The following ZBTB48 variants were observed in gnomAD, a reference collection of about 807,000 sequenced individuals.
ZBTB48 encodes the protein zinc finger and BTB domain containing 48, also known as zinc finger and BTB domain-containing protein 48.
In ZBTB48, 35 loss-of-function variants were observed where a neutral mutation model predicts 64.5. The ratio of observed to expected loss-of-function variants is 0.54; its 90% CI spans 0.41 to 0.72. The LOEUF is 0.72. Among genes scored for constraint, ZBTB48 ranks in the 30% least tolerant of loss-of-function variants. The pLI is 0.00. For missense variants in ZBTB48, 828 were observed against 895.3 expected (o/e 0.92, Z 0.96); for synonymous variants, 442 against 356.7 (o/e 1.24, Z -2.70).
At position 6,580,442 on chromosome 1, in the gene ZBTB48, C is replaced by T. The variant is rs1640398478; in HGVS notation, c.-69-99C>T. ...CCGGGAGGCTGTCAGTGTGTTCCAG[C>T]CCTCCGCGTGCACCCCTCACCCTGA... On this transcript the variant is annotated intron_variant, in intron 1 of 10. Coordinates refer to ENST00000377674, the MANE Select transcript of ZBTB48 (RefSeq NM_005341.4). The surrounding 1 kb of genome is among the most constrained non-coding windows in gnomAD (Gnocchi z 5.2). 2 of 697,492 alleles carry T rather than the reference C, an allele frequency of 2.9e-6. No individual in the cohort carries two copies. The highest frequency in any genetic ancestry group is 4.7e-6 in the Non-Finnish European group (2 of 425,946). 43.2% of individuals were successfully genotyped at this position (697,492 alleles called of 1,614,324 possible). A position where few individuals can be genotyped will look rare whatever the true frequency, so the allele number is the denominator to read the frequency against.
At chr1:6,587,385 G>T (rs181551778) in intron 6 of ZBTB48, 93 bp from the exon 7 acceptor site, 2 of 1,608,082 alleles carry the variant, frequency 1.2e-6, no homozygotes, top group Admixed American at 3.4e-5. Flanking sequence ...ACTTTCTGTT[G>T]TTCGGGGGGG....
In ZBTB48 at chr1:6,589,061, C is replaced by G. The variant is rs766873713; in HGVS notation, c.1916C>G (p.Ala639Gly). 6.2e-7 allele frequency: 1 copy of G among 1,605,858 alleles called. No individual in the cohort carries two copies. The highest frequency in any genetic ancestry group is 8.5e-7 in the Non-Finnish European group (1 of 1,176,718). Reference protein sequence around the residue: ...QPPAELEVGSAEVIVESLAQG... With the variant: ...QPPAELEVGSGEVIVESLAQG... ...CCTGCAGAGCTGGAGGTGGGCTCGGCGGAGGTCATTGTGGAGTCCCTGGCC... is the reference window on the plus strand; with the variant it reads ...CCTGCAGAGCTGGAGGTGGGCTCGGGGGAGGTCATTGTGGAGTCCCTGGCC... The change falls in exon 11 of 11, where the codon GCG becomes GGG. Residue 639 changes from alanine to glycine, a missense_variant. Physicochemically the swap from Ala to Gly is moderately conservative, Grantham distance 60. Coordinates refer to ENST00000377674, the MANE Select transcript of ZBTB48 (RefSeq NM_005341.4).
At position 6,581,326 on chromosome 1, in the gene ZBTB48, G is replaced by A. The variant is rs757282247; in HGVS notation, c.690+27G>A. The A allele has an allele frequency of 1.4e-5, 22 of 1,554,316 alleles. No individual in the cohort carries two copies. The African/African-American group carries it at 2.6e-4, about 18-fold the overall frequency. ...TACTGTGCCCAGGGTGTTGGGACTG[G>A]GGAGACAAATAGAGGGAATAGACAC... is the stretch of plus-strand genomic sequence containing the variant. On this transcript the variant is annotated intron_variant, in intron 2 of 10. Transcript: ENST00000377674.
Position 6,580,989 on chromosome 1 carries a change from A to G in ZBTB48, c.380A>G (p.Gln127Arg). The change falls in exon 2 of 11, where the codon CAG becomes CGG. Residue 127 changes from glutamine (Q) to arginine (R), a missense_variant. Gln to Arg is a conservative substitution (Grantham distance 43). Coordinates refer to ENST00000377674, the MANE Select transcript of ZBTB48 (RefSeq NM_005341.4). The surrounding 1 kb of genome is among the most constrained non-coding windows in gnomAD (Gnocchi z 5.2). ...TCAGTGGGACAGGCAGCAGGTGGCC[A>G]GAGTGGGCTGGGGCCCCCTGCCTCC... Reference protein sequence around the residue: ...KTSVGQAAGGQSGLGPPASQN... With the variant: ...KTSVGQAAGGRSGLGPPASQN... The G allele has an allele frequency of 6.2e-7, 1 of 1,613,616 alleles. No homozygotes were observed. The highest frequency in any genetic ancestry group is 1.1e-5 in the South Asian group (1 of 91,086).
intron 4 of ZBTB48, chr1:6,586,334 G>A (rs1040967660): frequency 1.8e-5 from 9 of 500,404 alleles, no homozygotes; most frequent in Non-Finnish European, 2.9e-5. Context: ...TGGCAGCTGG[G>A]AAAGGCCCCC....
At position 6,587,228 on chromosome 1, in the gene ZBTB48, C is replaced by T. The variant is rs1288048231; in HGVS notation, c.1161C>T (p.Phe387=). 1.9e-6 allele frequency: 3 copies of T among 1,613,922 alleles called. No individual in the cohort carries two copies. Among genetic ancestry groups the T allele is most frequent in the Non-Finnish European group, 2.5e-6 (3 of 1,180,036 alleles). Residue 387 remains phenylalanine (F), a synonymous_variant, in exon 6 of 11, where the codon TTC becomes TTT. Transcript: ENST00000377674. ...PYKCSSCSQQ[F]MQKKDLQSHM... ...AGTGTTCCTCCTGCTCCCAGCAGTT[C>T]ATGCAGAAGAAGGACTTGCAGAGCC...
intron 7 of ZBTB48, 142 bp downstream of exon 7, chr1:6,587,774 C>A: frequency 7.1e-7 from 1 of 1,402,138 alleles, no homozygotes; most frequent in Non-Finnish European, 9.5e-7. Flanking sequence ...TACAGCCTCT[C>A]TGGGATAGTG....
intron 8 of ZBTB48, 24 bp downstream of exon 8, chr1:6,588,220 C>T (rs114196503): frequency 6.2e-7 from 1 of 1,613,474 alleles, no homozygotes; most frequent in Admixed American, 1.7e-5. Flanking sequence ...TGCCCCTCCC[C>T]TCGCCTCCCC....
intron 5 of ZBTB48, 41 bp from the exon 6 acceptor site, chr1:6,587,164 G>A (rs776310408): frequency 5.6e-6 from 9 of 1,610,742 alleles, no homozygotes; most frequent in South Asian, 1.1e-5. Context: ...GGTTTCATGG[G>A]TGCAGGCCGC....
chr1:6,583,639 C>T (rs368819984), intron 3 of ZBTB48, among the ~76,000 whole-genome samples: 8 of 141,970 alleles, frequency 5.6e-5, no homozygotes, highest in African/African-American at 1.6e-4. Context: ...CTCACTGTGT[C>T]GCCCAGGTTG....
chr1:6,587,627 G>A lies in ZBTB48; in HGVS notation c.1374G>A (p.Lys458=), dbSNP rs144418972. ...GCCTGCAGATGCACATCAAGGCCAA[G>A]CACAGGTGCGTGTCGCCCGTTCTCT... ...RNGLQMHIKA[K]HRNERPHVCE... The change falls in exon 7 of 11, where the codon AAG becomes AAA. Residue 458 remains lysine, a synonymous_variant. Coordinates refer to ENST00000377674, the MANE Select transcript of ZBTB48 (RefSeq NM_005341.4). 137 of 1,612,912 alleles carry A rather than the reference G, an allele frequency of 8.5e-5. No individual in the cohort carries two copies. Among genetic ancestry groups the A allele is most frequent in the Admixed American group, 8.0e-4 (48 of 60,026 alleles).
intron 5 of ZBTB48, 60 bp downstream of exon 5, chr1:6,586,847 GCCCTTTACGTGGGGTGCTGTCAGGCACCT>G: frequency 6.4e-7 from 1 of 1,563,142 alleles, no homozygotes; most frequent in East Asian, 2.4e-5. Flanking sequence ...TTCCTGCTGA[GCCCTTTACGTGGGGTGCTGTCAGGCACCT>G]CCCTCACAGT....
intron 5 of ZBTB48, 99 bp from the exon 6 acceptor site, chr1:6,587,106 C>T (rs759023154): frequency 7.7e-6 from 10 of 1,302,116 alleles, no homozygotes; most frequent in East Asian, 7.1e-5. Flanking sequence ...ATCATCTCAC[C>T]GGGGCCTCCC....
At chr1:6,582,516 G>C (rs1301804214) in intron 3 of ZBTB48, among the ~76,000 whole-genome samples, 22 of 152,246 alleles carry the variant, frequency 1.4e-4, no homozygotes, top group Non-Finnish European at 3.1e-4. Context: ...TCTGGTTGGA[G>C]ATGGGTTTGT....
In ZBTB48 at chr1:6,588,899, C is replaced by T; in HGVS notation, c.1771-17C>T. ...CCCTAGGATCCCCCAAAGTTCTGAG[C>T]TCACCCTCCCCGCCAGGCCCACCTG... On this transcript the variant is annotated splice_polypyrimidine_tract_variant and intron_variant, in intron 10 of 10. Transcript: ENST00000377674. 6.2e-7 allele frequency: 1 copy of T among 1,613,756 alleles called. No individual in the cohort carries two copies. Among genetic ancestry groups the T allele is most frequent in the Non-Finnish European group, 8.5e-7 (1 of 1,179,872 alleles).
intron 3 of ZBTB48, among the ~76,000 whole-genome samples, chr1:6,583,603 AT>A (rs147175046): frequency 0.016 from 1,737 of 108,540 alleles, 17 homozygotes; most frequent in African/African-American, 0.043. Flanking sequence ...CCAGCCTGTT[AT>A]TTTTTTTTTT....
In ZBTB48 at chr1:6,581,096, G is replaced by T. The variant is rs1277502438; in HGVS notation, c.487G>T (p.Asp163Tyr). ...VSRTLGLVPR[D>Y]QEPRGSHSPQ... Reference sequence around the variant, plus strand: ...GAGGACTCTGGGTCTAGTCCCCAGGGATCAGGAGCCCAGAGGCAGTCATAG... The same window carrying T: ...GAGGACTCTGGGTCTAGTCCCCAGGTATCAGGAGCCCAGAGGCAGTCATAG... The change falls in exon 2 of 11, where the codon GAT becomes TAT. Residue 163 changes from aspartate (D) to tyrosine (Y), a missense_variant. Coordinates refer to ENST00000377674, the MANE Select transcript of ZBTB48 (RefSeq NM_005341.4). The T allele has an allele frequency of 3.7e-6, 6 of 1,613,016 alleles. No individual in the cohort carries two copies. The South Asian group carries it at 5.5e-5, about 15-fold the overall frequency.
rs372353270 is a variant in ZBTB48, at chr1:6,588,099, C to T, written c.1419C>T (p.Ala473=). The T allele has an allele frequency of 8.1e-6, 13 of 1,614,074 alleles. No homozygotes were observed. Among genetic ancestry groups the T allele is most frequent in the Non-Finnish European group, 1.1e-5 (13 of 1,180,050 alleles). Residue 473 remains alanine (A), a synonymous_variant, in exon 8 of 11, where the codon GCC becomes GCT. Transcript: ENST00000377674. ...ACGTATGTGAGTTCTGCAGCCACGC[C>T]TTCACCCAAAAGGCCAATCTCAACA... ...RPHVCEFCSH[A]FTQKANLNMH...
chr1:6,587,046 AG>A, intron 5 of ZBTB48, 158 bp from the exon 6 acceptor site: 1 of 913,742 alleles, frequency 1.1e-6, no homozygotes, highest in Non-Finnish European at 1.8e-6. Flanking sequence ...CTGAGCCCTG[AG>A]GGCCCTCCTT....
Sources: allele counts gnomAD v4.1 joint callset (sites outside exome capture counted in the v4.1 genomes callset), GRCh38; gene constraint gnomAD v4.1.1; non-coding constraint Gnocchi (gnomAD v3.1); transcripts MANE v1.5; gene names NCBI Gene and HGNC (gene_info 2026-07-23, HGNC 2026-07-21).